Variants in CSMD2 observed in about 807,000 individuals in gnomAD.
The protein encoded by CSMD2 is CUB and sushi domain-containing protein 2.
A neutral mutation model predicts 398.5 loss-of-function variants in CSMD2; 130 were observed. The observed-to-expected ratio is 0.33, with a 90% CI of 0.28 to 0.38. The LOEUF (loss-of-function observed/expected upper bound fraction) is 0.38. Among genes scored for constraint, CSMD2 ranks in the 10% least tolerant of loss-of-function variants. CSMD2 has a pLI of 1.00. For synonymous variants in CSMD2, 1,828 were observed against 1,908.5 expected, an observed-to-expected ratio of 0.96 and a Z score of 1.10; for missense variants, 3,829 against 4,764.9, an observed-to-expected ratio of 0.80 and a Z score of 5.78.
At chr1:33,850,254 G>A (rs1057035284) in intron 5 of CSMD2, among the ~76,000 whole-genome samples, 10 of 152,118 alleles carry the variant, frequency 6.6e-5, no homozygotes, top group Admixed American at 2.6e-4. Flanking sequence ...CAGTTCTCCC[G>A]TCAAACAGAA....
chr1:33,742,847 C>T (rs1416064315), intron 14 of CSMD2, among the ~76,000 whole-genome samples: 6 of 152,094 alleles, frequency 3.9e-5, no homozygotes, highest in South Asian at 2.1e-4. Context: ...AGCCCCGGCA[C>T]GAACTCAGAG....
intron 42 of CSMD2, among the ~76,000 whole-genome samples, chr1:33,604,582 GC>G (rs759015096): frequency 6.6e-6 from 1 of 152,216 alleles, no homozygotes; most frequent in African/African-American, 2.4e-5. Flanking sequence ...CTGGATTACT[GC>G]CCTTGCTAAG....
chr1:33,663,817 G>T (rs948952900), intron 25 of CSMD2, among the ~76,000 whole-genome samples: 1 of 151,630 alleles, frequency 6.6e-6, no homozygotes, highest in Admixed American at 6.5e-5. Flanking sequence ...GACTCTCTCT[G>T]TTAATTAATT....
chr1:33,852,595 C>T (rs775625943), intron 5 of CSMD2, among the ~76,000 whole-genome samples: 1 of 152,256 alleles, frequency 6.6e-6, no homozygotes, highest in Non-Finnish European at 1.5e-5. Flanking sequence ...CTCTCCCTCT[C>T]CCTGCCCCCA....
intron 6 of CSMD2, among the ~76,000 whole-genome samples, chr1:33,829,105 GGT>G (rs1380212375): frequency 1.3e-5 from 2 of 152,208 alleles, no homozygotes; most frequent in Non-Finnish European, 2.9e-5. Context: ...AGAATCCACA[GGT>G]AGAGTCTTTG....
At chr1:33,574,108 A>C in intron 49 of CSMD2, among the ~76,000 whole-genome samples, 1 of 152,244 alleles carries the variant, frequency 6.6e-6, no homozygotes, top group Admixed American at 6.5e-5. Context: ...CAGACATGTA[A>C]AGTCTCAGAA....
In CSMD2 at chr1:33,935,655, C is replaced by T. The variant is rs1644455484; in HGVS notation, c.712+105G>A. 2.4e-6 allele frequency: 3 copies of T among 1,238,616 alleles called. No homozygotes were observed. In the East Asian group the frequency reaches 7.7e-5, roughly 32 times the overall value. 76.7% of individuals were successfully genotyped at this position (1,238,616 alleles called of 1,614,324 possible). ...TGTCCAGACTTGGGTACCCCCCTCC[C>T]TGCTGGGGTGTAGCTTTGCCCTTTG... On this transcript the variant is annotated intron_variant, in intron 4 of 70. Coordinates refer to ENST00000373381, the MANE Select transcript of CSMD2 (RefSeq NM_001281956.2).
At chr1:33,954,376 G>A (rs1420000358) in intron 3 of CSMD2, among the ~76,000 whole-genome samples, 1 of 152,022 alleles carries the variant, frequency 6.6e-6, no homozygotes, top group Non-Finnish European at 1.5e-5. Flanking sequence ...GCCAAGTGAG[G>A]GGTATGGGGG....
In CSMD2 at chr1:33,709,198, A is replaced by C. The variant is rs1431306037; in HGVS notation, c.3467T>G (p.Val1156Gly). Residue 1156 changes from valine to glycine, a missense_variant, in exon 22 of 71, where the codon GTG becomes GGG. Around this residue, in one of 5 missense-constraint regions of CSMD2, gnomAD observed 2,001 missense variants for 2,567.1 expected, o/e 0.78. Transcript: ENST00000373381. ...QGTLLSPNFP[V>G]NYNNNHECIY... ...GCATTCATGATTGTTATTGTAGTTC[A>C]CAGGAAAGTTGGGGGACAGCAAAGT... is the stretch of plus-strand genomic sequence containing the variant. The C allele has an allele frequency of 1.9e-6, 3 of 1,613,964 alleles. No individual in the cohort carries two copies. In the African/African-American group the frequency reaches 4.0e-5, roughly 22 times the overall value.
At chr1:34,079,415 T>C (rs72882689) in intron 2 of CSMD2, among the ~76,000 whole-genome samples, 2,872 of 152,308 alleles carry the variant, frequency 0.019, 92 homozygotes, top group African/African-American at 0.065. Flanking sequence ...TTCTATATAC[T>C]AACAATGGCT....
intron 3 of CSMD2, among the ~76,000 whole-genome samples, chr1:34,030,349 C>A (rs1650256052): frequency 6.6e-6 from 1 of 152,186 alleles, no homozygotes; most frequent in South Asian, 2.1e-4. Flanking sequence ...GTCTCTGTCA[C>A]AATAGCTCAA....
chr1:34,084,476 C>T (rs1657627957), intron 2 of CSMD2, among the ~76,000 whole-genome samples: 1 of 152,210 alleles, frequency 6.6e-6, no homozygotes, highest in South Asian at 2.1e-4. Flanking sequence ...TTGCAACCTA[C>T]TCATCTGACA....
chr1:33,866,719 C>T (rs1390160407), intron 5 of CSMD2, among the ~76,000 whole-genome samples: 1 of 152,218 alleles, frequency 6.6e-6, no homozygotes, highest in African/African-American at 2.4e-5. Context: ...CCCTGGGGCC[C>T]TTGCTCCTTA....
At chr1:33,600,834 C>T (rs1640162676) in intron 44 of CSMD2, 31 bp downstream of exon 44, 2 of 1,612,388 alleles carry the variant, frequency 1.2e-6, no homozygotes, top group Non-Finnish European at 8.5e-7. Context: ...AAAGCCTGGC[C>T]CTTCCCACCA....
At chr1:33,615,249 T>C (rs1641308956) in intron 39 of CSMD2, among the ~76,000 whole-genome samples, 1 of 152,152 alleles carries the variant, frequency 6.6e-6, no homozygotes, top group African/African-American at 2.4e-5. Context: ...TCAAGGTGAA[T>C]TCAGAGTCAT....
Position 33,633,313 on chromosome 1 carries a change from C to G in CSMD2, c.5200+109G>C. On this transcript the variant is annotated intron_variant, in intron 32 of 70. Coordinates refer to ENST00000373381, the MANE Select transcript of CSMD2 (RefSeq NM_001281956.2). The surrounding 1 kb of genome is among the most constrained non-coding windows in gnomAD (Gnocchi z 5.0). ...ACCAGAACACGACAGGCACGCAGAG[C>G]CGTAGGGTTCCACCTGCGGCCATGG... 1 of 781,084 alleles carries G rather than the reference C, an allele frequency of 1.3e-6. No homozygotes were observed. The highest frequency in any genetic ancestry group is 1.6e-5 in the South Asian group (1 of 62,240). The allele number at this position is 781,084 out of a possible 1,614,324, so 48.4% of individuals were successfully genotyped here.
intron 5 of CSMD2, 108 bp downstream of exon 5, chr1:33,917,986 G>T: frequency 3.3e-6 from 3 of 915,312 alleles, no homozygotes; most frequent in Non-Finnish European, 5.1e-6. Context: ...TAAGGAAGTG[G>T]CTAAGAGGCC....
chr1:33,644,722 G>T (rs1643316329), intron 29 of CSMD2, among the ~76,000 whole-genome samples: 1 of 152,162 alleles, frequency 6.6e-6, no homozygotes, highest in African/African-American at 2.4e-5. Flanking sequence ...TGGGGATGGT[G>T]GTGGTGGGAG....
At chr1:33,548,240 G>A (rs1473983685) in intron 56 of CSMD2, among the ~76,000 whole-genome samples, 3 of 152,180 alleles carry the variant, frequency 2.0e-5, no homozygotes, top group Non-Finnish European at 4.4e-5. Flanking sequence ...CTAATACAAT[G>A]GTGTTCAGTC....
Sources: allele counts gnomAD v4.1 joint callset (sites outside exome capture counted in the v4.1 genomes callset), GRCh38; gene constraint gnomAD v4.1.1; regional missense constraint gnomAD v4.1.1; non-coding constraint Gnocchi (gnomAD v3.1); transcripts MANE v1.5; gene names NCBI Gene and HGNC (gene_info 2026-07-23, HGNC 2026-07-21).